The following ZPBP variants were observed in gnomAD, a reference collection of about 807,000 sequenced individuals.
The protein encoded by ZPBP is zona pellucida-binding protein 1.
Under a neutral mutation model 44.8 loss-of-function variants are expected in ZPBP, and 26 were observed. The observed-to-expected ratio is 0.58, with a 90% CI of 0.43 to 0.81. The LOEUF is 0.81. Among genes scored for constraint, ZPBP ranks in the 30% least tolerant of loss-of-function variants. ZPBP has a pLI of 0.00. For synonymous variants in ZPBP, 174 were observed against 153.2 expected, an observed-to-expected ratio of 1.14 and a Z score of -1.00; for missense variants, 409 against 434.0, an observed-to-expected ratio of 0.94 and a Z score of 0.51.
Position 50,031,277 on chromosome 7 carries a change from G to C in ZPBP, c.521C>G (p.Thr174Arg), listed in dbSNP as rs140478650. Residue 174 changes from threonine (T) to arginine (R), a missense_variant, in exon 5 of 8, where the codon ACA becomes AGA. Thr to Arg is a moderately conservative substitution (Grantham distance 71). This residue lies in a region of ZPBP where 367 missense variants were observed against 363.1 expected (regional missense o/e 1.01). Coordinates refer to ENST00000046087, the MANE Select transcript of ZPBP (RefSeq NM_007009.3). Reference protein sequence around the residue: ...YREPHYYYQFTARYHAAPCNS... With the variant: ...YREPHYYYQFRARYHAAPCNS... ...GCAGGGAGCTGCATGATATCGAGCT[G>C]TGAACTGATAATAATAATGAGGCTC... The C allele has an allele frequency of 1.7e-3, 2,712 of 1,611,372 alleles. 15 individuals carry two copies. The highest frequency in any genetic ancestry group is 1.0e-3 in the Non-Finnish European group (1,233 of 1,179,638).
intron 2 of ZPBP, among the ~76,000 whole-genome samples, chr7:49,886,074 A>G (rs1206896311): frequency 6.6e-6 from 1 of 152,176 alleles, no homozygotes; most frequent in Non-Finnish European, 1.5e-5. Context: ...GAGATAGGGG[A>G]GAGGTCCAGA....
intron 5 of ZPBP, among the ~76,000 whole-genome samples, chr7:50,029,350 T>C (rs988925438): frequency 3.9e-5 from 6 of 152,128 alleles, no homozygotes; most frequent in African/African-American, 1.2e-4. Flanking sequence ...AAAATGAATC[T>C]TAGACGTAAG....
intron 7 of ZPBP, among the ~76,000 whole-genome samples, chr7:49,939,467 T>A (rs1794768035): frequency 6.6e-6 from 1 of 152,086 alleles, no homozygotes. Flanking sequence ...TAAGTAGAAC[T>A]GGGGAAAAAT....
chr7:50,083,451 A>T (rs1342077806), intron 2 of ZPBP, among the ~76,000 whole-genome samples: 2 of 152,124 alleles, frequency 1.3e-5, no homozygotes, highest in African/African-American at 4.8e-5. Flanking sequence ...TTATTTATCA[A>T]CACATAAGCA....
At chr7:49,870,926 G>A (rs1791122612) in intron 2 of ZPBP, among the ~76,000 whole-genome samples, 2 of 152,154 alleles carry the variant, frequency 1.3e-5, no homozygotes, top group African/African-American at 4.8e-5. Flanking sequence ...CTACGGAACT[G>A]CTCCAGGAAA....
intron 3 of ZPBP, among the ~76,000 whole-genome samples, chr7:50,061,583 C>T (rs938363664): frequency 5.3e-5 from 8 of 152,088 alleles, no homozygotes; most frequent in African/African-American, 1.7e-4. Flanking sequence ...TGCCTGTAAT[C>T]CCAGCTAATA....
chr7:49,919,890 T>G (rs970187449), intron 1 of ZPBP: 2 of 152,224 alleles, frequency 1.3e-5, no homozygotes, highest in Admixed American at 6.5e-5. Context: ...ATCATTATGT[T>G]CTATATATGT....
intron 3 of ZPBP, among the ~76,000 whole-genome samples, chr7:50,065,378 A>C (rs1188861154): frequency 6.6e-6 from 1 of 150,832 alleles, no homozygotes; most frequent in East Asian, 1.9e-4. Flanking sequence ...GAATCAAGAG[A>C]AAGGGTTTGG....
chr7:50,062,984 G>A (rs1168873566), intron 3 of ZPBP, among the ~76,000 whole-genome samples: 1 of 151,880 alleles, frequency 6.6e-6, no homozygotes, highest in African/African-American at 2.4e-5. Context: ...ATTTTGTGGG[G>A]TGGGGGGAGA....
intron 6 of ZPBP, among the ~76,000 whole-genome samples, chr7:49,998,096 T>G (rs1253335902): frequency 2.0e-5 from 3 of 152,056 alleles, no homozygotes; most frequent in Non-Finnish European, 4.4e-5. Context: ...TTTTGTATTT[T>G]TAGTAGAGAC....
intron 4 of ZPBP, among the ~76,000 whole-genome samples, chr7:50,034,106 A>C (rs1799723246): frequency 6.6e-6 from 1 of 152,066 alleles, no homozygotes; most frequent in Non-Finnish European, 1.5e-5. Context: ...GAGAGAGAAA[A>C]ATTATGTTTC....
intron 5 of ZPBP, among the ~76,000 whole-genome samples, chr7:50,028,507 A>C (rs182892697): frequency 1.2e-4 from 19 of 152,154 alleles, no homozygotes; most frequent in African/African-American, 4.6e-4. Flanking sequence ...AAAGGTGTAA[A>C]ATGTATCCAG....
chr7:49,841,185 C>G, the ZPBP span, among the ~76,000 whole-genome samples: 2 of 152,140 alleles, frequency 1.3e-5, no homozygotes, highest in Non-Finnish European at 2.9e-5. Flanking sequence ...GCTCCAGACT[C>G]AAGTAACCAA....
chr7:49,910,176 G>T (rs1464459954), intron 1 of ZPBP, among the ~76,000 whole-genome samples: 1 of 152,144 alleles, frequency 6.6e-6, no homozygotes, highest in Non-Finnish European at 1.5e-5. Flanking sequence ...ATGCAAGCAG[G>T]CAGCCATGTG....
At chr7:50,052,513 T>C (rs922258552) in intron 4 of ZPBP, among the ~76,000 whole-genome samples, 15 of 152,214 alleles carry the variant, frequency 9.9e-5, no homozygotes, top group African/African-American at 3.6e-4. Context: ...GAATACAAAA[T>C]GGTACAGCCA....
intron 6 of ZPBP, among the ~76,000 whole-genome samples, chr7:50,015,146 A>G (rs1050993498): frequency 6.6e-6 from 1 of 152,280 alleles, no homozygotes; most frequent in Middle Eastern, 3.4e-3. Context: ...AAACCAAATA[A>G]GAAACTTCTG....
At chr7:49,956,175 G>C (rs1795581565) in intron 7 of ZPBP, among the ~76,000 whole-genome samples, 1 of 151,966 alleles carries the variant, frequency 6.6e-6, no homozygotes, top group Admixed American at 6.6e-5. Context: ...CATTCTGTTT[G>C]TCTGTTTTTA....
At chr7:49,944,930 G>A (rs941973124) in intron 7 of ZPBP, among the ~76,000 whole-genome samples, 4 of 151,864 alleles carry the variant, frequency 2.6e-5, no homozygotes, top group South Asian at 2.1e-4. Flanking sequence ...TCTTTAAGAT[G>A]TATCAATAGG....
At chr7:50,088,538 T>C (rs947587154) in intron 2 of ZPBP, among the ~76,000 whole-genome samples, 1 of 151,652 alleles carries the variant, frequency 6.6e-6, no homozygotes, top group Non-Finnish European at 1.5e-5. Context: ...ATATATAGAA[T>C]ATATAAAGAA....
Sources: allele counts gnomAD v4.1 joint callset (sites outside exome capture counted in the v4.1 genomes callset), GRCh38; gene constraint gnomAD v4.1.1; regional missense constraint gnomAD v4.1.1; transcripts MANE v1.5; gene names NCBI Gene and HGNC (gene_info 2026-07-23, HGNC 2026-07-21).